Variants in PON2 observed in about 807,000 individuals in gnomAD.
PON2 encodes the protein serum paraoxonase/arylesterase 2.
PON2 carries 27 observed loss-of-function variants against 36.6 expected under a neutral mutation model. That is an observed-to-expected ratio of 0.74 (90% CI 0.54 to 1.02). The LOEUF is 1.02. PON2 is among the 50% of genes least tolerant of loss of function. The pLI is 0.00. For synonymous variants in PON2, 149 were observed against 156.3 expected (o/e 0.95, Z 0.35); for missense variants, 363 against 421.1 (o/e 0.86, Z 1.21).
At chr7:95,415,306 G>A (rs1789035243) in intron 3 of PON2, 1 of 152,160 alleles carries the variant, frequency 6.6e-6, no homozygotes, top group Non-Finnish European at 1.5e-5. Flanking sequence ...ATTGTTACAA[G>A]CTAGTTTCAA....
rs1364696083 is a variant in PON2, at chr7:95,410,002, G to A, written c.594C>T (p.Asn198=). Residue 198 remains asparagine, a synonymous_variant, in exon 6 of 9, where the codon AAC becomes AAT. Transcript: ENST00000222572. ...PFLKYLETYL[N]LHWANVVYYS... ...AGTAAACAACATTTGCCCAGTGTAA[G>A]TTCAAGTATGTTTCTAAATACTTTA... is the stretch of plus-strand genomic sequence containing the variant. 2.2e-5 allele frequency: 36 copies of A among 1,613,700 alleles called. No individual in the cohort carries two copies. Among genetic ancestry groups the A allele is most frequent in the Middle Eastern group, 1.7e-4 (1 of 6,060 alleles).
chr7:95,433,560 C>G (rs1358538239), intron 1 of PON2, among the ~76,000 whole-genome samples: 1 of 152,148 alleles, frequency 6.6e-6, no homozygotes, highest in African/African-American at 2.4e-5. Flanking sequence ...AAAGCAAAAC[C>G]CACCAATATT....
rs768259591 is a variant in PON2, at chr7:95,412,338, T to C, written c.341A>G (p.His114Arg). The C allele has an allele frequency of 1.9e-6, 3 of 1,614,092 alleles. No homozygotes were observed. Among genetic ancestry groups the C allele is most frequent in the Admixed American group, 1.7e-5 (1 of 60,006 alleles). Residue 114 changes from histidine to arginine, a missense_variant, in exon 4 of 9, where the codon CAT becomes CGT. By Grantham distance (29) the His-to-Arg change is conservative. Transcript: ENST00000222572. ...RGFDLASFNP[H>R]GISTFIDNDD... is the part of the protein sequence containing the mutation. Reference sequence around the variant, plus strand: ...GTTGTCTATGAAAGTGCTGATGCCATGTGGATTGAATGAGGCCAAATCAAA... The same window carrying C: ...GTTGTCTATGAAAGTGCTGATGCCACGTGGATTGAATGAGGCCAAATCAAA...
intron 7 of PON2, among the ~76,000 whole-genome samples, chr7:95,406,688 T>C (rs1809704876): frequency 2.0e-5 from 3 of 152,208 alleles, no homozygotes; most frequent in African/African-American, 7.2e-5. Context: ...TGAGAATTCA[T>C]CTATTAGTAT....
intron 1 of PON2, among the ~76,000 whole-genome samples, chr7:95,430,214 C>T (rs1386919417): frequency 6.6e-6 from 1 of 152,020 alleles, no homozygotes; most frequent in Non-Finnish European, 1.5e-5. Flanking sequence ...CCCATAATCC[C>T]AGTGCTTTGG....
chr7:95,430,930 T>C (rs7785039), intron 1 of PON2, among the ~76,000 whole-genome samples: 119,039 of 149,644 alleles, frequency 0.8, 47,377 homozygotes, highest in South Asian at 0.86. Context: ...AAGGCTGCTC[T>C]TTCAGAAGTA....
At chr7:95,434,850 A>G in intron 1 of PON2, 28 bp downstream of exon 1, 1 of 1,536,568 alleles carries the variant, frequency 6.5e-7, no homozygotes, top group Middle Eastern at 2.1e-4. Flanking sequence ...GGGACCGCCG[A>G]GGAGGGGCGC....
chr7:95,415,252 CCTCCTCATCTGT>C (rs1241647523), intron 3 of PON2: 2 of 152,158 alleles, frequency 1.3e-5, no homozygotes, highest in Non-Finnish European at 2.9e-5. Flanking sequence ...GTGGTCAGAA[CCTCCTCATCTGT>C]CCCCTTATCT....
At chr7:95,408,489 T>A (rs1296667029) in intron 6 of PON2, among the ~76,000 whole-genome samples, 1 of 152,166 alleles carries the variant, frequency 6.6e-6, no homozygotes, top group African/African-American at 2.4e-5. Flanking sequence ...ATTATTGTTA[T>A]TTTTTTGTTA....
intron 2 of PON2, among the ~76,000 whole-genome samples, chr7:95,420,981 G>A (rs139297346): frequency 0.011 from 1,715 of 150,718 alleles, 27 homozygotes; most frequent in South Asian, 0.048. Flanking sequence ...CAGGGCAAAA[G>A]CAAAAAAGAA....
At chr7:95,411,549 T>G in intron 5 of PON2, 104 bp downstream of exon 5, 1 of 1,384,440 alleles carries the variant, frequency 7.2e-7, no homozygotes, top group South Asian at 1.2e-5. Flanking sequence ...ACATATTAGC[T>G]AATATATACA....
At chr7:95,422,992 CTT>C (rs1280445098) in intron 2 of PON2, among the ~76,000 whole-genome samples, 1 of 152,108 alleles carries the variant, frequency 6.6e-6, no homozygotes, top group East Asian at 1.9e-4. Flanking sequence ...ACTGCTAATT[CTT>C]TTTGTTTCTA....
intron 1 of PON2, among the ~76,000 whole-genome samples, chr7:95,434,550 A>G (rs183735146): frequency 6.6e-6 from 1 of 152,374 alleles, no homozygotes; most frequent in Admixed American, 6.5e-5. Flanking sequence ...TTTTCAATTT[A>G]AACCACTAGT....
chr7:95,410,133 C>A (rs2286232), intron 5 of PON2, 32 bp from the exon 6 acceptor site: 16 of 1,546,738 alleles, frequency 1.0e-5, no homozygotes, highest in Non-Finnish European at 1.4e-5. Flanking sequence ...TGAGAGGAAA[C>A]AAAAGGCCTG....
At chr7:95,427,090 T>C (rs1391932457) in intron 1 of PON2, among the ~76,000 whole-genome samples, 3 of 152,242 alleles carry the variant, frequency 2.0e-5, no homozygotes, top group Non-Finnish European at 4.4e-5. Context: ...GCTATTAACA[T>C]GGAAGAGTTA....
intron 6 of PON2, chr7:95,409,588 A>G (rs1809812296): frequency 6.6e-6 from 1 of 151,814 alleles, no homozygotes; most frequent in African/African-American, 2.4e-5. Context: ...TTTAAAATTT[A>G]TATTTATAAA....
intron 3 of PON2, 23 bp from the exon 4 acceptor site, chr7:95,412,500 T>C: frequency 6.2e-7 from 1 of 1,609,562 alleles, no homozygotes; most frequent in Non-Finnish European, 8.5e-7. Flanking sequence ...GTGAAAAATG[T>C]TAAATACAAA....
rs142420129 is a variant in PON2, at chr7:95,406,360, CCACCTTCTAA to C, written c.778-123_778-114del. 1.0e-3 allele frequency: 1,243 copies of C among 1,187,240 alleles called. 10 individuals are homozygous for C. The African/African-American group carries it at 0.016, about 15-fold the overall frequency. 73.5% of individuals were successfully genotyped at this position (1,187,240 alleles called of 1,614,324 possible). A position where few individuals can be genotyped will look rare whatever the true frequency, so the allele number is the denominator to read the frequency against. ...GAGGAAATTACACATCGCCCTGCTT[CCACCTTCTAA>C]CACCAATATTGCTTAAAAGGAATGT... On this transcript the variant is annotated intron_variant, in intron 7 of 8. Transcript: ENST00000222572.
intron 3 of PON2, among the ~76,000 whole-genome samples, chr7:95,414,639 A>G (rs1205539593): frequency 2.0e-5 from 3 of 152,136 alleles, no homozygotes; most frequent in Non-Finnish European, 4.4e-5. Context: ...AAAAAACACA[A>G]ATAAACAAAT....
Sources: gnomAD v4.1 joint callset for allele counts (sites outside exome capture counted in the v4.1 genomes callset) on GRCh38, gnomAD v4.1.1 for gene constraint, MANE v1.5 for transcripts, NCBI Gene and HGNC (gene_info 2026-07-23, HGNC 2026-07-21) for gene names.